Variants in RTN4 observed in about 807,000 individuals in gnomAD.
RTN4 encodes reticulon-4.
RTN4 carries 32 observed loss-of-function variants against 90.4 expected under a neutral mutation model. That is an observed-to-expected ratio of 0.35 (90% CI 0.27 to 0.48). The LOEUF is 0.48. RTN4 is among the 20% of genes least tolerant of loss of function. The probability of loss-of-function intolerance (pLI) is 0.99; values close to 1 mark genes in which losing one functional copy is unlikely to be tolerated. For missense variants in RTN4, 1,706 were observed against 1,430.2 expected (o/e 1.19, Z -3.11); for synonymous variants, 629 against 552.5 (o/e 1.14, Z -1.94).
At chr2:55,052,066 G>A (rs1269025284), upstream of RTN4, among the ~76,000 whole-genome samples, 1 of 152,120 alleles carries the variant, frequency 6.6e-6, no homozygotes, top group Admixed American at 6.5e-5. Context: ...TTGGAGGGAG[G>A]GATAAATAGG....
chr2:55,070,493 C>G (rs2968827), intron 2 of RTN4, among the ~76,000 whole-genome samples: 47,231 of 140,462 alleles, frequency 0.34, 8,823 homozygotes, highest in East Asian at 0.61. Context: ...CTGTAGTGAG[C>G]TATGATCATG....
intron 1 of RTN4, among the ~76,000 whole-genome samples, chr2:55,102,326 G>GAA (rs1667866620): frequency 6.6e-6 from 1 of 152,110 alleles, no homozygotes; most frequent in Non-Finnish European, 1.5e-5. Context: ...CCTTTTCTGT[G>GAA]AAGGGCCAGA....
chr2:55,015,170 G>A (rs1406353890), intron 3 of RTN4, among the ~76,000 whole-genome samples: 2 of 152,044 alleles, frequency 1.3e-5, no homozygotes, highest in Admixed American at 6.6e-5. Context: ...GTAGTCTACA[G>A]TTGATTGCCC....
chr2:55,130,822 C>A, the RTN4 span, among the ~76,000 whole-genome samples: 1 of 152,148 alleles, frequency 6.6e-6, no homozygotes, highest in Admixed American at 6.6e-5. Flanking sequence ...TCATGTCTGA[C>A]TGATTCAAGA....
chr2:55,124,115 A>G, the RTN4 span, among the ~76,000 whole-genome samples: 1 of 152,206 alleles, frequency 6.6e-6, no homozygotes, highest in Non-Finnish European at 1.5e-5. Context: ...ATGCTGCAGC[A>G]AGTTTGAGCT....
At chr2:55,136,121 A>C in the RTN4 span, among the ~76,000 whole-genome samples, 1 of 152,178 alleles carries the variant, frequency 6.6e-6, no homozygotes, top group Non-Finnish European at 1.5e-5. Context: ...AAACACCTAA[A>C]GCTGGTGATC....
intron 1 of RTN4, among the ~76,000 whole-genome samples, chr2:55,097,266 C>T (rs537739290): frequency 6.8e-6 from 1 of 147,912 alleles, no homozygotes; most frequent in Non-Finnish European, 1.5e-5. Context: ...TGTGCCACTG[C>T]ACTCCAGCCT....
chr2:55,071,559 A>AAAC (rs1344071954), intron 2 of RTN4, among the ~76,000 whole-genome samples: 1 of 151,552 alleles, frequency 6.6e-6, no homozygotes, highest in Admixed American at 6.6e-5. Context: ...AAAAAAAAAA[A>AAAC]AAAAAAGCCA....
rs199845070 is a variant in RTN4 at position 54,972,204 on chromosome 2, C to A, written c.*952G>T. 6.6e-6 allele frequency: 1 copy of A among 152,602 alleles called. No homozygotes were observed. The highest frequency in any genetic ancestry group is 1.9e-4 in the East Asian group (1 of 5,208). 9.5% of individuals were successfully genotyped at this position (152,602 alleles called of 1,614,324 possible). On this transcript the variant is annotated 3_prime_UTR_variant, in exon 9 of 9. Coordinates refer to ENST00000337526, the MANE Select transcript of RTN4 (RefSeq NM_020532.5). The stretch of plus-strand genomic sequence containing the variant: ...CCAAAGCATATTTTAAGTCTATAAG[C>A]TTTATTGATACTTTGCTTTTACAGT...
chr2:55,123,227 T>C, the RTN4 span, among the ~76,000 whole-genome samples: 1 of 152,216 alleles, frequency 6.6e-6, no homozygotes, highest in Admixed American at 6.5e-5. Context: ...AAACCACTTT[T>C]GATTCTTGTA....
intron 1 of RTN4, among the ~76,000 whole-genome samples, chr2:55,033,638 G>C (rs1682483603): frequency 6.6e-6 from 1 of 152,190 alleles, no homozygotes; most frequent in African/African-American, 2.4e-5. Flanking sequence ...GCCTTACAGA[G>C]AAAACATATG....
intron 1 of RTN4, among the ~76,000 whole-genome samples, chr2:55,039,419 C>A (rs1573452484): frequency 6.6e-6 from 1 of 152,010 alleles, no homozygotes; most frequent in Non-Finnish European, 1.5e-5. Context: ...AATATGTGGA[C>A]CTTACTCGAA....
chr2:55,010,701 G>A (rs770030598), intron 3 of RTN4, among the ~76,000 whole-genome samples: 13 of 152,110 alleles, frequency 8.5e-5, no homozygotes, highest in East Asian at 1.9e-4. Flanking sequence ...TCATTAAGAC[G>A]TAAAACATTC....
intron 1 of RTN4, among the ~76,000 whole-genome samples, chr2:55,032,327 C>G (rs528822140): frequency 6.6e-6 from 1 of 152,242 alleles, no homozygotes; most frequent in Non-Finnish European, 1.5e-5. Context: ...GATCCGCCAG[C>G]CTCAGCTTCC....
At chr2:55,084,176 C>CTT (rs1668792933) in intron 1 of RTN4, among the ~76,000 whole-genome samples, 2 of 152,268 alleles carry the variant, frequency 1.3e-5, no homozygotes, top group Non-Finnish European at 2.9e-5. Context: ...GTTCAGAGAG[C>CTT]TTCCGGGTTG....
chr2:55,026,780 C>G lies in RTN4; in HGVS notation c.1319G>C (p.Ser440Thr), dbSNP rs79528680. The G allele has an allele frequency of 6.2e-7, 1 of 1,613,918 alleles. No homozygotes were observed. The highest frequency in any genetic ancestry group is 2.2e-5 in the East Asian group (1 of 44,878). ...GGGGAAAGAAGTATCATCATTACTA[C>G]TCTCACTATCTTTTTCGTGATTAGT... ...EQTNHEKDSE[S>T]SNDDTSFPST... is the part of the protein sequence containing the mutation. Residue 440 changes from serine to threonine, a missense_variant, in exon 3 of 9, where the codon AGT becomes ACT. Physicochemically the swap from Ser to Thr is moderately conservative, Grantham distance 58 (BLOSUM62 1). Transcript: ENST00000337526.
At chr2:55,123,723 G>GTATTATTA in the RTN4 span, among the ~76,000 whole-genome samples, 1 of 151,558 alleles carries the variant, frequency 6.6e-6, no homozygotes. Flanking sequence ...ATTGTTACTC[G>GTATTATTA]TGTAACACTA....
intron 2 of RTN4, among the ~76,000 whole-genome samples, chr2:55,061,978 G>A (rs1458199758): frequency 6.6e-6 from 1 of 152,138 alleles, no homozygotes; most frequent in East Asian, 1.9e-4. Flanking sequence ...CACATTGGCG[G>A]AGGAACACAC....
upstream of RTN4, among the ~76,000 whole-genome samples, chr2:55,113,537 G>A (rs1263185768): frequency 6.6e-6 from 1 of 152,170 alleles, no homozygotes; most frequent in Non-Finnish European, 1.5e-5. Flanking sequence ...TGCTCTGGGG[G>A]AGAAGTTGCT....
Sources: gnomAD v4.1 joint callset for allele counts (sites outside exome capture counted in the v4.1 genomes callset) on GRCh38, gnomAD v4.1.1 for gene constraint, MANE v1.5 for transcripts, NCBI Gene and HGNC (gene_info 2026-07-23, HGNC 2026-07-21) for gene names.